SCN8A: variants seen among roughly 807,000 people sequenced by gnomAD.
The protein encoded by SCN8A is sodium voltage-gated channel alpha subunit 8.
In SCN8A, 30 loss-of-function variants were observed where a neutral mutation model predicts 184.1. The observed-to-expected ratio is 0.16, with a 90% CI of 0.12 to 0.22. SCN8A has a LOEUF of 0.22. SCN8A is among the 10% of genes least tolerant of loss of function. SCN8A has a pLI of 1.00. For missense variants in SCN8A, 1,057 were observed against 2,498.9 expected (o/e 0.42, Z 12.30); for synonymous variants, 852 against 907.0 (o/e 0.94, Z 1.09).
At chr12:51,706,855 T>C in intron 11 of SCN8A, 140 bp downstream of exon 11, 3 of 602,180 alleles carry the variant, frequency 5.0e-6, no homozygotes, top group Non-Finnish European at 7.6e-6. Flanking sequence ...CTTTTTCCTC[T>C]TTCATCCCCT....
chr12:51,625,918 A>C (rs147879136), intron 1 of SCN8A, among the ~76,000 whole-genome samples: 75 of 152,290 alleles, frequency 4.9e-4, no homozygotes, highest in African/African-American at 1.8e-3. Context: ...ATTTGTGGCC[A>C]TTGATGTAAT....
At chr12:51,666,777 A>G (rs1201909564) in intron 2 of SCN8A, among the ~76,000 whole-genome samples, 3 of 151,982 alleles carry the variant, frequency 2.0e-5, no homozygotes, top group East Asian at 1.9e-4. Context: ...CGGATTTCAC[A>G]CTCCCAAGGG....
chr12:51,642,079 C>T (rs1055233689), intron 1 of SCN8A, among the ~76,000 whole-genome samples: 2 of 152,206 alleles, frequency 1.3e-5, no homozygotes, highest in East Asian at 3.8e-4. Context: ...TGCTCTGCAG[C>T]GTCAGCCACA....
intron 9 of SCN8A, among the ~76,000 whole-genome samples, chr12:51,703,792 T>C (rs866407715): frequency 6.6e-6 from 1 of 152,234 alleles, no homozygotes; most frequent in Non-Finnish European, 1.5e-5. Context: ...GGACCCTCTT[T>C]AAGGGAAGTT....
chr12:51,707,447 G>A (rs767112659), intron 11 of SCN8A, among the ~76,000 whole-genome samples: 1 of 152,136 alleles, frequency 6.6e-6, no homozygotes, highest in African/African-American at 2.4e-5. Context: ...TTGGATGTTC[G>A]AGGGCAGGAA....
chr12:51,613,591 T>C (rs1939769945), intron 1 of SCN8A, among the ~76,000 whole-genome samples: 1 of 152,100 alleles, frequency 6.6e-6, no homozygotes, highest in African/African-American at 2.4e-5. Flanking sequence ...CTGTTTTCAA[T>C]GTAGTTGATT....
intron 1 of SCN8A, among the ~76,000 whole-genome samples, chr12:51,646,183 G>C (rs1940585901): frequency 6.6e-6 from 1 of 152,070 alleles, no homozygotes; most frequent in Non-Finnish European, 1.5e-5. Context: ...TCACTCTTGG[G>C]ACAGGTAGAC....
chr12:51,743,960 G>A (rs779804415), intron 12 of SCN8A, among the ~76,000 whole-genome samples: 4 of 152,146 alleles, frequency 2.6e-5, no homozygotes, highest in Admixed American at 6.5e-5. Context: ...TGTGTTGTTC[G>A]CCACTGTATC....
chr12:51,661,601 G>A (rs927443505), intron 1 of SCN8A, among the ~76,000 whole-genome samples: 2 of 152,050 alleles, frequency 1.3e-5, no homozygotes, highest in Admixed American at 6.5e-5. Flanking sequence ...AAGCAAAAGG[G>A]GAAAGAACAA....
intron 6 of SCN8A, among the ~76,000 whole-genome samples, chr12:51,691,149 A>G (rs1016924385): frequency 2.0e-5 from 3 of 152,028 alleles, no homozygotes; most frequent in African/African-American, 7.3e-5. Flanking sequence ...CCCCTTTTAA[A>G]TATGATCTTG....
chr12:51,662,624 GA>G, intron 1 of SCN8A, 139 bp from the exon 2 acceptor site: 1 of 604,570 alleles, frequency 1.7e-6, no homozygotes, highest in Non-Finnish European at 2.9e-6. Flanking sequence ...TTCCTGAAAA[GA>G]AAAATAAGCA....
At chr12:51,783,464 C>T (rs1035702428) in intron 21 of SCN8A, among the ~76,000 whole-genome samples, 59 of 152,282 alleles carry the variant, frequency 3.9e-4, no homozygotes, top group African/African-American at 1.2e-3. Flanking sequence ...CTCAGAGCTT[C>T]GCTTGAGAGG....
chr12:51,628,623 C>T (rs1336365731), intron 1 of SCN8A, among the ~76,000 whole-genome samples: 1 of 152,034 alleles, frequency 6.6e-6, no homozygotes, highest in Non-Finnish European at 1.5e-5. Flanking sequence ...CTGGCCCCAG[C>T]TGTAGGTGAC....
At chr12:51,800,334 CT>C (rs1422320616) in intron 26 of SCN8A, among the ~76,000 whole-genome samples, 1 of 152,254 alleles carries the variant, frequency 6.6e-6, no homozygotes, top group Non-Finnish European at 1.5e-5. Context: ...TGATAATCCA[CT>C]GTCGTTCTCC....
chr12:51,760,585 T>A lies in SCN8A; in HGVS notation c.2371-1918T>A, dbSNP rs554759939. 5.9e-4 allele frequency among the ~76,000 whole-genome samples: 90 copies of A among 152,326 alleles called. No individual in the cohort carries two copies. In the Middle Eastern group the frequency reaches 0.01, roughly 17 times the overall value. On this transcript the variant is annotated intron_variant, in intron 14 of 26. Transcript: ENST00000627620. ...AATCAAGTCTCTACTTAGTGTGTGT[T>A]AGGCAGGCTAGCATTTCTATGTGGA...
chr12:51,690,730 G>A (rs114969093), intron 6 of SCN8A, among the ~76,000 whole-genome samples: 144 of 152,290 alleles, frequency 9.5e-4, no homozygotes, highest in Middle Eastern at 3.4e-3. Flanking sequence ...CACAAAGATA[G>A]AATCCTGGAG....
chr12:51,709,317 G>T (rs1252687998), intron 11 of SCN8A, among the ~76,000 whole-genome samples: 1 of 152,184 alleles, frequency 6.6e-6, no homozygotes, highest in Non-Finnish European at 1.5e-5. Flanking sequence ...CATGAGACTT[G>T]TGGAGATTAC....
Position 51,762,505 on chromosome 12 carries a change from T to C in SCN8A, c.2373T>C (p.Val791=). 6.2e-7 allele frequency: 1 copy of C among 1,613,230 alleles called. No individual in the cohort carries two copies. The highest frequency in any genetic ancestry group is 8.5e-7 in the Non-Finnish European group (1 of 1,179,628). ...ACCCCCTGCATCCCCCTATTTAGGT[T>C]TTCACTGGAATTTTCACAGCGGAAA... The part of the protein sequence containing the change: ...FEHVLAVGNL[V]FTGIFTAEMF... The change falls in exon 15 of 27, where the codon GTT becomes GTC. Residue 791 remains valine (V), a splice_region_variant and synonymous_variant. Coordinates refer to ENST00000627620, the MANE Select transcript of SCN8A (RefSeq NM_001330260.2).
intron 1 of SCN8A, among the ~76,000 whole-genome samples, chr12:51,656,672 A>G (rs1053868907): frequency 1.3e-5 from 2 of 152,210 alleles, no homozygotes; most frequent in African/African-American, 4.8e-5. Context: ...TGGCCAATCA[A>G]CCTTTGAGAA....
Sources: gnomAD v4.1 joint callset for allele counts (sites outside exome capture counted in the v4.1 genomes callset) on GRCh38, gnomAD v4.1.1 for gene constraint, MANE v1.5 for transcripts, NCBI Gene and HGNC (gene_info 2026-07-23, HGNC 2026-07-21) for gene names.